The following AKT3 variants were observed in gnomAD, a reference collection of about 807,000 sequenced individuals.
AKT3 encodes AKT serine/threonine kinase 3, also known as RAC-gamma serine/threonine-protein kinase.
A neutral mutation model predicts 65.3 loss-of-function variants in AKT3; 15 were observed. The ratio of observed to expected loss-of-function variants is 0.23; its 90% CI spans 0.15 to 0.35. The LOEUF is 0.35. Ranked by LOEUF, AKT3 falls within the 10% of genes least tolerant of loss-of-function variation. AKT3 has a pLI of 1.00. For synonymous variants in AKT3, 206 were observed against 183.8 expected, an observed-to-expected ratio of 1.12 and a Z score of -0.98; for missense variants, 243 against 576.5, an observed-to-expected ratio of 0.42 and a Z score of 5.92.
intron 8 of AKT3, among the ~76,000 whole-genome samples, chr1:243,586,228 G>A (rs923412452): frequency 2.0e-5 from 3 of 151,936 alleles, no homozygotes; most frequent in Admixed American, 1.3e-4. Context: ...AACAATAATC[G>A]GTCTAATAGT....
chr1:243,832,806 G>A (rs1480262908), intron 2 of AKT3, among the ~76,000 whole-genome samples: 1 of 152,152 alleles, frequency 6.6e-6, no homozygotes, highest in Non-Finnish European at 1.5e-5. Flanking sequence ...GTAGGCAATT[G>A]AAACATGTTA....
chr1:243,517,890 C>T (rs922435643), intron 12 of AKT3, among the ~76,000 whole-genome samples: 6 of 152,150 alleles, frequency 3.9e-5, no homozygotes, highest in African/African-American at 1.4e-4. Context: ...TGTGATATTC[C>T]CAACTCCTAA....
intron 13 of AKT3, among the ~76,000 whole-genome samples, chr1:243,511,428 C>T (rs573135505): frequency 7.9e-5 from 12 of 152,252 alleles, no homozygotes; most frequent in African/African-American, 2.4e-4. Flanking sequence ...AGCCTCCAAT[C>T]GCCCCTCTCC....
At chr1:243,497,694 G>A (rs760410169), downstream of AKT3, among the ~76,000 whole-genome samples, 5 of 152,144 alleles carry the variant, frequency 3.3e-5, no homozygotes, top group Non-Finnish European at 7.3e-5. Context: ...TTTTACTTCA[G>A]GTCTTTACGC....
At chr1:243,837,157 C>T (rs1432233828) in intron 2 of AKT3, among the ~76,000 whole-genome samples, 1 of 151,306 alleles carries the variant, frequency 6.6e-6, no homozygotes, top group East Asian at 1.9e-4. Context: ...CTTGGCTCTA[C>T]TAAAAAAATA....
intron 8 of AKT3, among the ~76,000 whole-genome samples, chr1:243,580,735 C>T (rs1384999920): frequency 2.0e-5 from 3 of 152,140 alleles, no homozygotes; most frequent in Non-Finnish European, 2.9e-5. Context: ...GTGCCATTGC[C>T]GGGTAACCCA....
At chr1:243,768,563 C>T (rs1006669571) in intron 2 of AKT3, among the ~76,000 whole-genome samples, 1 of 152,056 alleles carries the variant, frequency 6.6e-6, no homozygotes. Flanking sequence ...ATAGGCCGGG[C>T]GTGGTGGCTC....
At chr1:243,802,831 C>CA (rs1341344016) in intron 2 of AKT3, among the ~76,000 whole-genome samples, 1 of 152,104 alleles carries the variant, frequency 6.6e-6, no homozygotes, top group Non-Finnish European at 1.5e-5. Context: ...TTCAGCAAAA[C>CA]AAAAAAGTCA....
intron 12 of AKT3, among the ~76,000 whole-genome samples, chr1:243,541,516 T>C (rs1181872543): frequency 6.6e-6 from 1 of 152,048 alleles, no homozygotes; most frequent in African/African-American, 2.4e-5. Context: ...AGTGCTGAAA[T>C]CAGTCGCGTC....
intron 2 of AKT3, among the ~76,000 whole-genome samples, chr1:243,747,353 G>A (rs1396411996): frequency 6.6e-6 from 1 of 152,204 alleles, no homozygotes; most frequent in Non-Finnish European, 1.5e-5. Context: ...AAGGGAATTA[G>A]AGGATAATTT....
upstream of AKT3, chr1:243,850,942 TCCGCCCACCCGCCCTGGCCGCGGAC>T (rs1396678171): frequency 1.3e-5 from 2 of 152,038 alleles, no homozygotes; most frequent in Non-Finnish European, 2.9e-5. Flanking sequence ...CCTCGGCGCA[TCCGCCCACCCGCCCTGGCCGCGGAC>T]GCGCGCGCCG....
intron 2 of AKT3, among the ~76,000 whole-genome samples, chr1:243,703,903 G>C (rs1286385870): frequency 6.6e-6 from 1 of 151,964 alleles, no homozygotes; most frequent in Non-Finnish European, 1.5e-5. Context: ...GCATATTATA[G>C]GTACTTATTA....
intron 12 of AKT3, among the ~76,000 whole-genome samples, chr1:243,519,235 T>C (rs939933508): frequency 6.6e-6 from 1 of 152,210 alleles, no homozygotes; most frequent in African/African-American, 2.4e-5. Context: ...TACAGAATTC[T>C]GACTGAAAAA....
In AKT3 at chr1:243,499,779, T is replaced by C; in HGVS notation, c.*5470A>G. ...AGTTACCCAGCATGCCACAATCTGA[T>C]TGCTGACCTGGATGGAACAGAGTGA... On this transcript the variant is annotated 3_prime_UTR_variant, in exon 14 of 14. Transcript: ENST00000673466. The C allele has an allele frequency of 2.5e-6, 4 of 1,613,004 alleles. No individual in the cohort carries two copies. Among genetic ancestry groups the C allele is most frequent in the African/African-American group, 1.3e-5 (1 of 75,050 alleles).
intron 4 of AKT3, among the ~76,000 whole-genome samples, chr1:243,656,189 T>A (rs533258397): frequency 9.2e-5 from 14 of 152,178 alleles, no homozygotes; most frequent in Admixed American, 5.9e-4. Flanking sequence ...ATCTTTTTAT[T>A]CCTAAATAAT....
At chr1:243,679,028 C>A (rs1164331880) in intron 3 of AKT3, among the ~76,000 whole-genome samples, 1 of 152,120 alleles carries the variant, frequency 6.6e-6, no homozygotes, top group Non-Finnish European at 1.5e-5. Context: ...TCCTCCTCAG[C>A]CTACTCAACA....
At chr1:243,540,042 A>G (rs7538011) in intron 12 of AKT3, among the ~76,000 whole-genome samples, 20,733 of 152,170 alleles carry the variant, frequency 0.14, 1,597 homozygotes, top group East Asian at 0.27. Context: ...CAAATCCCAT[A>G]CAAACAATTC....
At chr1:243,674,625 G>C (rs1683378883) in intron 3 of AKT3, among the ~76,000 whole-genome samples, 3 of 152,196 alleles carry the variant, frequency 2.0e-5, no homozygotes, top group African/African-American at 7.2e-5. Context: ...GTACCCAAAA[G>C]AGGGGTGAGG....
chr1:243,688,053 CCTTG>C lies in AKT3; in HGVS notation c.172+7534_172+7537del, dbSNP rs543729981. On this transcript the variant is annotated intron_variant, in intron 3 of 13. Transcript: ENST00000673466. ...TCTAAGGTGATGGATTTATCAATTA[CCTTG>C]ATTTCATTATATGAATGTATCAAAT... is the stretch of plus-strand genomic sequence containing the variant. Among the ~76,000 whole-genome samples the C allele has an allele frequency of 5.6e-4, 85 of 152,096 alleles. 1 individual carries two copies. The South Asian group carries it at 0.017, about 31-fold the overall frequency.
Sources: allele counts gnomAD v4.1 joint callset (sites outside exome capture counted in the v4.1 genomes callset), GRCh38; gene constraint gnomAD v4.1.1; transcripts MANE v1.5; gene names NCBI Gene and HGNC (gene_info 2026-07-23, HGNC 2026-07-21).